PCDHA1: variants seen among roughly 807,000 people sequenced by gnomAD.
PCDHA1 encodes protocadherin alpha-1.
PCDHA1 carries 42 observed loss-of-function variants against 61.3 expected under a neutral mutation model. The ratio of observed to expected loss-of-function variants is 0.69; its 90% CI spans 0.54 to 0.89. The LOEUF is 0.89. Among genes scored for constraint, PCDHA1 ranks in the 40% least tolerant of loss-of-function variants. PCDHA1 has a pLI of 0.00. For synonymous variants in PCDHA1, 610 were observed against 553.8 expected (o/e 1.10, Z -1.43); for missense variants, 1,256 against 1,235.3 (o/e 1.02, Z -0.25).
At chr5:140,870,508 C>T in intron 1 of PCDHA1, 1 of 1,614,244 alleles carries the variant, frequency 6.2e-7, no homozygotes, top group Non-Finnish European at 8.5e-7. Flanking sequence ...GAACAACCCA[C>T]CAGGCTGCCA....
chr5:140,928,012 A>G (rs2084863036), intron 1 of PCDHA1: 2 of 1,614,190 alleles, frequency 1.2e-6, no homozygotes, highest in African/African-American at 2.7e-5. Context: ...TTCTAATGGT[A>G]GGGTCATTTG....
At chr5:140,898,701 A>G (rs1216294301) in intron 1 of PCDHA1, among the ~76,000 whole-genome samples, 2 of 152,102 alleles carry the variant, frequency 1.3e-5, no homozygotes, top group African/African-American at 4.8e-5. Context: ...ATGAACTTTA[A>G]AGTAGTTTTT....
intron 3 of PCDHA1, among the ~76,000 whole-genome samples, chr5:140,989,839 A>G (rs2097362613): frequency 6.6e-6 from 1 of 152,166 alleles, no homozygotes; most frequent in Admixed American, 6.5e-5. Context: ...CCTGTCAATG[A>G]GTGTGTGGAC....
chr5:140,856,858 AGG>A, intron 1 of PCDHA1: 1 of 1,594,634 alleles, frequency 6.3e-7, no homozygotes, highest in Non-Finnish European at 8.6e-7. Context: ...ATTCGGATGA[AGG>A]AATAAACAAG....
intron 3 of PCDHA1, among the ~76,000 whole-genome samples, chr5:140,994,613 G>A (rs1452021453): frequency 2.0e-5 from 3 of 152,082 alleles, no homozygotes; most frequent in Admixed American, 6.5e-5. Flanking sequence ...GCTGAGGCAC[G>A]AGAGTCACTT....
intron 1 of PCDHA1, chr5:140,929,206 C>T (rs1554206828): frequency 2.5e-6 from 4 of 1,614,018 alleles, no homozygotes; most frequent in Non-Finnish European, 1.7e-6. Flanking sequence ...TTTGCTGTTG[C>T]GTGGGGAGTA....
intron 1 of PCDHA1, chr5:140,870,291 G>A (rs372143455): frequency 3.2e-5 from 52 of 1,614,052 alleles, no homozygotes; most frequent in Non-Finnish European, 3.6e-5. Context: ...CCTTCAAGCT[G>A]GTGTCCACCT....
chr5:140,822,328 G>A, intron 1 of PCDHA1: 4 of 1,614,170 alleles, frequency 2.5e-6, no homozygotes, highest in Non-Finnish European at 3.4e-6. Context: ...TAAAACAAAT[G>A]AAGAAGAAAC....
intron 1 of PCDHA1, chr5:140,808,704 G>C: frequency 6.2e-7 from 1 of 1,612,186 alleles, no homozygotes; most frequent in South Asian, 1.1e-5. Context: ...GCGCTGTCGA[G>C]CTACGTTTCG....
intron 1 of PCDHA1, chr5:140,830,311 G>A (rs2150184835): frequency 2.0e-5 from 32 of 1,613,870 alleles, no homozygotes; most frequent in Non-Finnish European, 2.5e-5. Context: ...CCACGCTGGT[G>A]TGCTCCAGCG....
In PCDHA1 at chr5:140,877,291, C is replaced by G. The variant is rs527823173; in HGVS notation, c.2394+88607C>G. On this transcript the variant is annotated intron_variant, in intron 1 of 3. Coordinates refer to ENST00000504120, the MANE Select transcript of PCDHA1 (RefSeq NM_018900.4). ...CGCTGACTCCGGCTATAACGCTTGG[C>G]TGTCCTACGAGTTGCAACCGGCGGC... 4 of 1,613,932 alleles carry G rather than the reference C, an allele frequency of 2.5e-6. No homozygotes were observed. In the African/African-American group the frequency reaches 4.0e-5, roughly 16 times the overall value.
intron 1 of PCDHA1, chr5:140,876,095 T>C (rs781801828): frequency 4.3e-6 from 7 of 1,613,928 alleles, no homozygotes; most frequent in Non-Finnish European, 5.9e-6. Context: ...ACGCCAAAAC[T>C]CAATTTATTG....
intron 3 of PCDHA1, among the ~76,000 whole-genome samples, chr5:140,997,904 A>G (rs1446627520): frequency 6.6e-6 from 1 of 152,224 alleles, no homozygotes; most frequent in Non-Finnish European, 1.5e-5. Flanking sequence ...TTCAAGAAGT[A>G]GAATTACAGA....
chr5:140,904,773 CATT>C (rs2071382352), intron 1 of PCDHA1, among the ~76,000 whole-genome samples: 1 of 152,076 alleles, frequency 6.6e-6, no homozygotes, highest in Non-Finnish European at 1.5e-5. Flanking sequence ...GATGGTATCA[CATT>C]ATTGTTTTAA....
At chr5:140,871,432 C>T (rs782382962) in intron 1 of PCDHA1, 1 of 1,612,926 alleles carries the variant, frequency 6.2e-7, no homozygotes, top group Non-Finnish European at 8.5e-7. Flanking sequence ...CAGTCTTCCT[C>T]TAGGTCTGAA....
intron 3 of PCDHA1, among the ~76,000 whole-genome samples, chr5:140,984,647 G>C (rs1169327185): frequency 6.6e-6 from 1 of 152,102 alleles, no homozygotes; most frequent in Non-Finnish European, 1.5e-5. Flanking sequence ...CCTTCTCCCT[G>C]TCCTTCTGGT....
intron 2 of PCDHA1, among the ~76,000 whole-genome samples, chr5:140,980,278 GAAAAGT>G (rs1267614144): frequency 6.6e-6 from 1 of 152,166 alleles, no homozygotes; most frequent in Non-Finnish European, 1.5e-5. Context: ...ACCAACTCTT[GAAAAGT>G]ACCAAAGCTA....
intron 1 of PCDHA1, among the ~76,000 whole-genome samples, chr5:140,840,437 GAAATAGAAACGTTAAATAA>G (rs1776700709): frequency 6.6e-6 from 1 of 151,948 alleles, no homozygotes; most frequent in Non-Finnish European, 1.5e-5. Context: ...TAAAGCCGTG[GAAATAGAAACGTTAAATAA>G]AAAGTTGGGG....
Position 140,829,281 on chromosome 5 carries a change from T to C in PCDHA1, c.2394+40597T>C, listed in dbSNP as rs2150165125. 4 of 1,614,256 alleles carry C rather than the reference T, an allele frequency of 2.5e-6. No individual in the cohort carries two copies. The South Asian group carries it at 4.4e-5, about 18-fold the overall frequency. ...CTGACGCCTCACGTCCCTTTCAAGCTGGTGTCCACCTTCAAGAATTACTAC... is the reference window on the plus strand; with the variant it reads ...CTGACGCCTCACGTCCCTTTCAAGCCGGTGTCCACCTTCAAGAATTACTAC... On this transcript the variant is annotated intron_variant, in intron 1 of 3. Coordinates refer to ENST00000504120, the MANE Select transcript of PCDHA1 (RefSeq NM_018900.4).
Sources: gnomAD v4.1 joint callset for allele counts (sites outside exome capture counted in the v4.1 genomes callset) on GRCh38, gnomAD v4.1.1 for gene constraint, MANE v1.5 for transcripts, NCBI Gene and HGNC (gene_info 2026-07-23, HGNC 2026-07-21) for gene names.